The following NUMB variants were observed in gnomAD, a reference collection of about 807,000 sequenced individuals.
NUMB encodes the protein NUMB endocytic adaptor protein, also known as protein numb homolog.
NUMB carries 29 observed loss-of-function variants against 59.7 expected under a neutral mutation model. That is an observed-to-expected ratio of 0.49 (90% CI 0.36 to 0.66). NUMB has a LOEUF of 0.66. Ranked by LOEUF, NUMB falls within the 30% of genes least tolerant of loss-of-function variation. The pLI is 0.00. For synonymous variants in NUMB, 288 were observed against 288.2 expected, an observed-to-expected ratio of 1.00 and a Z score of 0.01; for missense variants, 723 against 822.0, an observed-to-expected ratio of 0.88 and a Z score of 1.47.
intron 2 of NUMB, among the ~76,000 whole-genome samples, chr14:73,382,679 A>C (rs111460549): frequency 1.7e-3 from 254 of 152,326 alleles, no homozygotes; most frequent in African/African-American, 5.9e-3. Context: ...CCTACTTTTA[A>C]CTACCATCAG....
At chr14:73,328,231 C>T (rs1037394267) in intron 4 of NUMB, among the ~76,000 whole-genome samples, 8 of 148,252 alleles carry the variant, frequency 5.4e-5, no homozygotes, top group Admixed American at 2.0e-4. Flanking sequence ...GCCAAGGTGG[C>T]ATCAGTGCAC....
chr14:73,372,358 T>TATATAA (rs1894745058), intron 2 of NUMB, among the ~76,000 whole-genome samples: 1 of 120,124 alleles, frequency 8.3e-6, no homozygotes, highest in Admixed American at 8.6e-5. Flanking sequence ...TATATATATA[T>TATATAA]AACCTTTTAT....
At chr14:73,390,258 CTT>C (rs886344991) in intron 2 of NUMB, among the ~76,000 whole-genome samples, 5 of 152,234 alleles carry the variant, frequency 3.3e-5, no homozygotes, top group African/African-American at 1.2e-4. Context: ...TACAATGTGA[CTT>C]TTAAAATTAT....
Position 73,368,564 on chromosome 14 carries a change from C to G in NUMB, c.-100-1583G>C, listed in dbSNP as rs150460690. ...CGCCATTGCACTCCAGCCTGGGCAA[C>G]AAGAGCAAGACTCCGTCTCCAAAAA... On this transcript the variant is annotated intron_variant, in intron 2 of 12. Coordinates refer to ENST00000555238, the MANE Select transcript of NUMB (RefSeq NM_001005743.2). Among the ~76,000 whole-genome samples, 432 of 149,542 alleles carry G rather than the reference C, an allele frequency of 2.9e-3. 2 individuals are homozygous for G. Among genetic ancestry groups the G allele is most frequent in the African/African-American group, 0.01 (417 of 40,618 alleles).
At chr14:73,312,788 T>G (rs1259663801) in intron 6 of NUMB, among the ~76,000 whole-genome samples, 1 of 151,310 alleles carries the variant, frequency 6.6e-6, no homozygotes, top group Non-Finnish European at 1.5e-5. Context: ...GCCCCTCAAC[T>G]GCTTCTGATA....
Position 73,378,002 on chromosome 14 carries a change from C to CACACACACACACACACAT in NUMB, c.-100-11039_-100-11022dup, listed in dbSNP as rs1895044489. On this transcript the variant is annotated intron_variant, in intron 2 of 12. Coordinates refer to ENST00000555238, the MANE Select transcript of NUMB (RefSeq NM_001005743.2). ...AGATATATATATACACATACACACA[C>CACACACACACACACACAT]ACACACACACACACACATACACACA... 3.4e-5 allele frequency among the ~76,000 whole-genome samples: 5 copies of CACACACACACACACACAT among 148,458 alleles called. No individual in the cohort carries two copies. In the South Asian group the frequency reaches 1.1e-3, roughly 31 times the overall value.
chr14:73,367,346 TATAGAGAGAGAGAG>T (rs1245574258), intron 2 of NUMB, among the ~76,000 whole-genome samples: 1 of 91,266 alleles, frequency 1.1e-5, no homozygotes, highest in Non-Finnish European at 1.9e-5. Flanking sequence ...TATATATATA[TATAGAGAGAGAGAG>T]AGAGAGAGAG....
At chr14:73,282,219 G>T (rs1888677608) in intron 11 of NUMB, 140 bp downstream of exon 11, 2 of 671,110 alleles carry the variant, frequency 3.0e-6, no homozygotes, top group Non-Finnish European at 4.7e-6. Flanking sequence ...AGAAATCAAT[G>T]AATCTAAGAC....
At chr14:73,322,709 C>A (rs1483866486) in intron 5 of NUMB, 1 of 152,230 alleles carries the variant, frequency 6.6e-6, no homozygotes, top group Non-Finnish European at 1.5e-5. Flanking sequence ...GATTTCACAA[C>A]ATTTGTTTCA....
rs1346689094 is a variant in NUMB, at chr14:73,277,233, C to T, written c.1301G>A (p.Arg434Lys). Residue 434 changes from arginine (R) to lysine (K), a missense_variant, in exon 13 of 13, where the codon AGA becomes AAA. Transcript: ENST00000555238. ...TCGGTCGGCCTCAGAGGGAGTACGT[C>T]TATGACCGGCCTGGAAGAGACCTGG... ...ASPGLFQAGH[R>K]RTPSEADRWL... 3 of 1,613,552 alleles carry T rather than the reference C, an allele frequency of 1.9e-6. No homozygotes were observed. The highest frequency in any genetic ancestry group is 2.5e-6 in the Non-Finnish European group (3 of 1,179,604).
chr14:73,358,602 CT>C lies in NUMB; in HGVS notation c.-15-2837del, dbSNP rs35552161. The stretch of plus-strand genomic sequence containing the variant: ...AGTTAACCTCTTCAGGAAAGCTAGA[CT>C]TTTTTTTTTTTTTTTTTTTTTTGAC... On this transcript the variant is annotated intron_variant, in intron 3 of 12. Transcript: ENST00000555238. Among the ~76,000 whole-genome samples the C allele has an allele frequency of 8.0e-3, 948 of 118,926 alleles. 5 individuals carry two copies. Among genetic ancestry groups the C allele is most frequent in the Non-Finnish European group, 9.9e-3 (559 of 56,552 alleles). The allele number at this position is 118,926 out of a possible 152,430, so 78.0% of individuals were successfully genotyped here.
chr14:73,398,431 T>A lies in NUMB; in HGVS notation c.-101+11506A>T, dbSNP rs1166387535. On this transcript the variant is annotated intron_variant, in intron 2 of 12. Coordinates refer to ENST00000555238, the MANE Select transcript of NUMB (RefSeq NM_001005743.2). ...GAGAGAGAGAGTGTGTGTGTGTGTG[T>A]GTGTGTGTGTGTGTGTGTGTGTTTA... is the stretch of plus-strand genomic sequence containing the variant. Among the ~76,000 whole-genome samples, 93 of 151,700 alleles carry A rather than the reference T, an allele frequency of 6.1e-4. 1 individual carries two copies. The highest frequency in any genetic ancestry group is 8.9e-4 in the African/African-American group (37 of 41,350).
chr14:73,281,129 C>G lies in NUMB; in HGVS notation c.1096+1230G>C, dbSNP rs74344837. On this transcript the variant is annotated intron_variant, in intron 11 of 12. Coordinates refer to ENST00000555238, the MANE Select transcript of NUMB (RefSeq NM_001005743.2). Reference sequence around the variant, plus strand: ...AAACTGAAATATTCAATTTTGCACACTTAGTGCCTTGTAGGCTGGCAGAAT... The same window carrying G: ...AAACTGAAATATTCAATTTTGCACAGTTAGTGCCTTGTAGGCTGGCAGAAT... Among the ~76,000 whole-genome samples, 4 of 152,206 alleles carry G rather than the reference C, an allele frequency of 2.6e-5. No individual in the cohort carries two copies. In the East Asian group the frequency reaches 7.7e-4, roughly 29 times the overall value.
intron 1 of NUMB, among the ~76,000 whole-genome samples, chr14:73,453,005 T>C (rs1305054878): frequency 6.6e-6 from 1 of 152,240 alleles, no homozygotes; most frequent in Non-Finnish European, 1.5e-5. Flanking sequence ...TTCCTCTAGA[T>C]ACACTTCCTG....
intron 1 of NUMB, among the ~76,000 whole-genome samples, chr14:73,432,018 T>C (rs958678703): frequency 8.6e-5 from 13 of 152,002 alleles, no homozygotes; most frequent in African/African-American, 3.1e-4. Context: ...CTCTCAAAAG[T>C]CCAGGCATAA....
intron 6 of NUMB, among the ~76,000 whole-genome samples, chr14:73,305,439 T>A (rs1357641761): frequency 6.6e-6 from 1 of 152,128 alleles, no homozygotes; most frequent in Non-Finnish European, 1.5e-5. Context: ...TCCTACCTAT[T>A]TTAAGGTGCC....
chr14:73,345,778 G>C (rs1198007630), intron 4 of NUMB, among the ~76,000 whole-genome samples: 1 of 151,748 alleles, frequency 6.6e-6, no homozygotes, highest in Non-Finnish European at 1.5e-5. Context: ...CGTGGTGGCA[G>C]GCACCTGTAA....
chr14:73,391,013 A>G (rs974945939), intron 2 of NUMB, among the ~76,000 whole-genome samples: 1 of 151,384 alleles, frequency 6.6e-6, no homozygotes, highest in Non-Finnish European at 1.5e-5. Flanking sequence ...GGCCCTCAAT[A>G]TAAGACTTGT....
At chr14:73,286,765 T>G in intron 9 of NUMB, 1 of 311,708 alleles carries the variant, frequency 3.2e-6, no homozygotes, top group Non-Finnish European at 6.2e-6. Flanking sequence ...GCTGCTTCCT[T>G]TAAGATGCAG....
Sources: gnomAD v4.1 joint callset for allele counts (sites outside exome capture counted in the v4.1 genomes callset) on GRCh38, gnomAD v4.1.1 for gene constraint, MANE v1.5 for transcripts, NCBI Gene and HGNC (gene_info 2026-07-23, HGNC 2026-07-21) for gene names.